The following TRIM37 variants were observed in gnomAD, a reference collection of about 807,000 sequenced individuals.
The protein encoded by TRIM37 is tripartite motif containing 37, also known as E3 ubiquitin-protein ligase TRIM37.
In TRIM37, 80 loss-of-function variants were observed where a neutral mutation model predicts 129.8. That is an observed-to-expected ratio of 0.62 (90% CI 0.51 to 0.74). TRIM37 has a LOEUF of 0.74. Among genes scored for constraint, TRIM37 ranks in the 30% least tolerant of loss-of-function variants. TRIM37 has a pLI of 0.00. For synonymous variants in TRIM37, 389 were observed against 387.1 expected, an observed-to-expected ratio of 1.00 and a Z score of -0.06; for missense variants, 1,054 against 1,176.5, an observed-to-expected ratio of 0.90 and a Z score of 1.52.
intron 5 of TRIM37, among the ~76,000 whole-genome samples, chr17:59,082,556 C>A (rs1349699333): frequency 6.6e-6 from 1 of 152,098 alleles, no homozygotes; most frequent in East Asian, 1.9e-4. Flanking sequence ...TTAACAAAAG[C>A]AATGAACCCA....
At chr17:59,056,772 A>C in intron 13 of TRIM37, 103 bp downstream of exon 13, 1 of 568,398 alleles carries the variant, frequency 1.8e-6, no homozygotes, top group Non-Finnish European at 3.2e-6. Flanking sequence ...AGTTAGTATG[A>C]ATTTCAATAT....
downstream of TRIM37, among the ~76,000 whole-genome samples, chr17:58,994,614 A>G (rs1463945667): frequency 1.3e-5 from 2 of 152,240 alleles, no homozygotes; most frequent in African/African-American, 4.8e-5. Flanking sequence ...GAGGATGTGC[A>G]CAGGTTATAT....
chr17:59,106,215 G>A (rs532798502), intron 1 of TRIM37, among the ~76,000 whole-genome samples: 3 of 152,308 alleles, frequency 2.0e-5, no homozygotes, highest in South Asian at 2.1e-4. Flanking sequence ...AGACATCCTT[G>A]AAAACTCCAG....
intron 2 of TRIM37, among the ~76,000 whole-genome samples, chr17:59,093,433 T>C (rs1006338971): frequency 2.0e-5 from 3 of 152,184 alleles, no homozygotes; most frequent in African/African-American, 7.2e-5. Context: ...AAAACCTTTC[T>C]TCATCTGGGT....
At chr17:58,996,038 G>C (rs61229852), downstream of TRIM37, among the ~76,000 whole-genome samples, 1 of 151,860 alleles carries the variant, frequency 6.6e-6, no homozygotes, top group Admixed American at 6.6e-5. Flanking sequence ...TAGAAACAAG[G>C]TATCTGCATA....
At chr17:59,103,364 C>CA in intron 2 of TRIM37, among the ~76,000 whole-genome samples, 1 of 151,936 alleles carries the variant, frequency 6.6e-6, no homozygotes, top group East Asian at 1.9e-4. Context: ...TTTTTTGAGA[C>CA]AGAGTCTCGC....
intron 16 of TRIM37, among the ~76,000 whole-genome samples, chr17:59,043,690 G>A (rs1434287594): frequency 6.6e-6 from 1 of 152,186 alleles, no homozygotes. Flanking sequence ...GCAGCATGAT[G>A]AGAATACTGG....
intron 2 of TRIM37, among the ~76,000 whole-genome samples, chr17:59,092,497 T>C (rs980040691): frequency 2.8e-4 from 43 of 151,944 alleles, no homozygotes; most frequent in African/African-American, 1.0e-3. Context: ...TAGAAGAGAA[T>C]AATGTCTCTA....
At chr17:59,054,293 T>A (rs1254003959) in intron 13 of TRIM37, among the ~76,000 whole-genome samples, 1 of 152,112 alleles carries the variant, frequency 6.6e-6, no homozygotes, top group Non-Finnish European at 1.5e-5. Flanking sequence ...CCCAAAAACC[T>A]TTTTTTGTTT....
At chr17:58,992,739 T>C (rs1235118543) in intron 24 of TRIM37, among the ~76,000 whole-genome samples, 1 of 152,104 alleles carries the variant, frequency 6.6e-6, no homozygotes, top group Non-Finnish European at 1.5e-5. Flanking sequence ...TGGCAATGAG[T>C]TGAACTGGGC....
chr17:59,096,474 C>G (rs542980467), intron 2 of TRIM37, among the ~76,000 whole-genome samples: 4 of 151,204 alleles, frequency 2.6e-5, no homozygotes, highest in African/African-American at 9.7e-5. Flanking sequence ...ATCGCTTGAA[C>G]CCAGGAGGCA....
At chr17:59,100,957 G>T (rs2045400329) in intron 2 of TRIM37, among the ~76,000 whole-genome samples, 1 of 151,660 alleles carries the variant, frequency 6.6e-6, no homozygotes, top group South Asian at 2.1e-4. Flanking sequence ...AGGAGATGGA[G>T]GTTGCAGTGA....
At chr17:59,001,207 A>G (rs1235707408) in intron 23 of TRIM37, among the ~76,000 whole-genome samples, 1 of 151,612 alleles carries the variant, frequency 6.6e-6, no homozygotes, top group African/African-American at 2.4e-5. Context: ...GGCAAAAAAA[A>G]AAAAAAAGAA....
chr17:59,031,930 C>T lies in TRIM37; in HGVS notation c.1914G>A (p.Gln638=). ...GCAGAAGTGAAGCAGGTGGGCGAGG[C>T]TGTAAGCCCCACAAATTTTCTATAC... ...RSSIENLWGL[Q]PRPPASLLQP... is the part of the protein sequence containing the mutation. Residue 638 remains glutamine, a synonymous_variant, in exon 18 of 24, where the codon CAG becomes CAA. Transcript: ENST00000262294. 1.2e-6 allele frequency: 2 copies of T among 1,614,058 alleles called. No individual in the cohort carries two copies. Among genetic ancestry groups the T allele is most frequent in the Non-Finnish European group, 1.7e-6 (2 of 1,179,976 alleles).
At chr17:59,030,265 C>A (rs972257150) in intron 18 of TRIM37, among the ~76,000 whole-genome samples, 16 of 152,144 alleles carry the variant, frequency 1.1e-4, no homozygotes, top group African/African-American at 3.9e-4. Flanking sequence ...GCCACAATGG[C>A]CGGCTAATTT....
At chr17:59,049,952 G>A (rs1482231386) in intron 14 of TRIM37, among the ~76,000 whole-genome samples, 1 of 152,098 alleles carries the variant, frequency 6.6e-6, no homozygotes, top group Admixed American at 6.5e-5. Context: ...GTGAATACAG[G>A]CAGTTTTAAA....
chr17:59,024,568 C>T (rs1279115652), intron 19 of TRIM37, among the ~76,000 whole-genome samples: 4 of 152,158 alleles, frequency 2.6e-5, no homozygotes, highest in Non-Finnish European at 5.9e-5. Context: ...GAGACTGTTG[C>T]CCAGATTGGA....
chr17:59,000,856 G>C (rs979410134), intron 23 of TRIM37, among the ~76,000 whole-genome samples: 1 of 152,090 alleles, frequency 6.6e-6, no homozygotes, highest in African/African-American at 2.4e-5. Context: ...TTCCTATGAA[G>C]GGTAAATATT....
intron 22 of TRIM37, among the ~76,000 whole-genome samples, chr17:59,009,364 G>A (rs923597055): frequency 6.6e-6 from 1 of 151,824 alleles, no homozygotes; most frequent in African/African-American, 2.4e-5. Context: ...CTGACCTCAG[G>A]TGATCTGCCC....
Sources: gnomAD v4.1 joint callset for allele counts (sites outside exome capture counted in the v4.1 genomes callset) on GRCh38, gnomAD v4.1.1 for gene constraint, MANE v1.5 for transcripts, NCBI Gene and HGNC (gene_info 2026-07-23, HGNC 2026-07-21) for gene names.